The following TACR3 variants were observed in gnomAD, a reference collection of about 807,000 sequenced individuals.
TACR3 encodes the protein tachykinin receptor 3.
In TACR3, 34 loss-of-function variants were observed where a neutral mutation model predicts 35.0. The ratio of observed to expected loss-of-function variants is 0.97; its 90% CI spans 0.74 to 1.30. The LOEUF (loss-of-function observed/expected upper bound fraction) is 1.30, where lower values mean the gene tolerates loss of function less well. TACR3 is among the 50% of genes most tolerant of loss of function. The pLI is 0.00. For synonymous variants in TACR3, 233 were observed against 221.1 expected, an observed-to-expected ratio of 1.05 and a Z score of -0.48; for missense variants, 558 against 591.7, an observed-to-expected ratio of 0.94 and a Z score of 0.59.
chr4:103,604,059 C>G (rs1026353100), intron 3 of TACR3, among the ~76,000 whole-genome samples: 58 of 152,066 alleles, frequency 3.8e-4, no homozygotes, highest in South Asian at 2.1e-4. Context: ...CATATGGGAC[C>G]AAAAAGGAGC....
chr4:103,669,207 A>C (rs1323847961), intron 1 of TACR3, among the ~76,000 whole-genome samples: 2 of 152,138 alleles, frequency 1.3e-5, no homozygotes, highest in African/African-American at 2.4e-5. Flanking sequence ...AATGGCAAAA[A>C]CAGCAATTAC....
chr4:103,627,352 TAAAAAA>T (rs869215834), intron 3 of TACR3, among the ~76,000 whole-genome samples: 5 of 82,494 alleles, frequency 6.1e-5, no homozygotes, highest in African/African-American at 1.9e-4. Context: ...GTGTTTCCAT[TAAAAAA>T]AAAAAAAAAA....
rs1215592649 is a variant in TACR3, at chr4:103,719,332, C to A, written c.344G>T (p.Arg115Leu). The A allele has an allele frequency of 1.2e-6, 2 of 1,614,236 alleles. No individual in the cohort carries two copies. The highest frequency in any genetic ancestry group is 2.2e-5 in the East Asian group (1 of 44,880). The change falls in exon 1 of 5, where the codon CGC becomes CTC. Residue 115 changes from arginine (R) to leucine (L), a missense_variant. Transcript: ENST00000304883. The stretch of plus-strand genomic sequence containing the variant: ...GAAGTAGTTGGTGACAGTCCTCATG[C>A]GCTTGTGGGCCAGGATGATCCAGAT... The part of the protein sequence containing the change: ...IVIWIILAHK[R>L]MRTVTNYFLV...
intron 1 of TACR3, among the ~76,000 whole-genome samples, chr4:103,717,235 T>A (rs999394712): frequency 6.6e-6 from 1 of 152,116 alleles, no homozygotes; most frequent in African/African-American, 2.4e-5. Flanking sequence ...TGTTTTTTTT[T>A]AATCAACTGT....
chr4:103,616,147 G>A (rs560204287), intron 3 of TACR3, among the ~76,000 whole-genome samples: 3 of 152,246 alleles, frequency 2.0e-5, no homozygotes, highest in South Asian at 2.1e-4. Flanking sequence ...AGAATGCAAA[G>A]TTTTAAGTGA....
At chr4:103,600,740 G>A (rs896899304) in intron 3 of TACR3, among the ~76,000 whole-genome samples, 1 of 152,114 alleles carries the variant, frequency 6.6e-6, no homozygotes, top group African/African-American at 2.4e-5. Context: ...TCAGGAGCCG[G>A]TTGTTCATTT....
intron 3 of TACR3, among the ~76,000 whole-genome samples, chr4:103,628,071 G>A (rs988740849): frequency 5.0e-4 from 76 of 152,216 alleles, no homozygotes; most frequent in African/African-American, 1.7e-3. Context: ...AATGAAGGCA[G>A]AAATAAAAAT....
chr4:103,685,473 C>A (rs576333253), intron 1 of TACR3, among the ~76,000 whole-genome samples: 3 of 152,024 alleles, frequency 2.0e-5, no homozygotes, highest in Admixed American at 6.6e-5. Context: ...TGGGACATGA[C>A]AATAAAAAGT....
chr4:103,666,166 G>A (rs1486696849), intron 1 of TACR3, among the ~76,000 whole-genome samples: 1 of 152,198 alleles, frequency 6.6e-6, no homozygotes, highest in Non-Finnish European at 1.5e-5. Context: ...ATAAAGCTAT[G>A]TACAAGTAAT....
intron 1 of TACR3, among the ~76,000 whole-genome samples, chr4:103,674,215 A>G (rs1190049542): frequency 2.6e-5 from 4 of 152,186 alleles, no homozygotes; most frequent in Non-Finnish European, 4.4e-5. Flanking sequence ...AGAACACTTT[A>G]TGAGTAAAAA....
chr4:103,672,209 C>T (rs545744522), intron 1 of TACR3, among the ~76,000 whole-genome samples: 24 of 152,248 alleles, frequency 1.6e-4, no homozygotes, highest in Middle Eastern at 3.4e-3. Context: ...ACTTCCTTCA[C>T]TGAAGTTTTG....
chr4:103,591,716 T>C (rs199861331), intron 3 of TACR3, 33 bp from the exon 4 acceptor site: 6 of 1,555,332 alleles, frequency 3.9e-6, no homozygotes, highest in East Asian at 4.7e-5. Context: ...TTGACAAATA[T>C]AATACTCATA....
At chr4:103,684,733 G>A (rs1219569483) in intron 1 of TACR3, among the ~76,000 whole-genome samples, 1 of 151,992 alleles carries the variant, frequency 6.6e-6, no homozygotes, top group African/African-American at 2.4e-5. Flanking sequence ...GGATGTGGTG[G>A]CTCATGCATC....
chr4:103,594,704 T>G (rs191837833), intron 3 of TACR3, among the ~76,000 whole-genome samples: 12 of 152,212 alleles, frequency 7.9e-5, no homozygotes, highest in Admixed American at 3.9e-4. Context: ...GTGCAAAAAG[T>G]TCAGAAAAAC....
chr4:103,668,750 G>A (rs1490061989), intron 1 of TACR3, among the ~76,000 whole-genome samples: 1 of 151,660 alleles, frequency 6.6e-6, no homozygotes, highest in Non-Finnish European at 1.5e-5. Context: ...TCAGGAGGCT[G>A]AGGCAGGAGA....
At chr4:103,657,244 G>A (rs1190646162) in intron 2 of TACR3, among the ~76,000 whole-genome samples, 1 of 151,546 alleles carries the variant, frequency 6.6e-6, no homozygotes, top group African/African-American at 2.4e-5. Flanking sequence ...TTTGTTTTTT[G>A]TAAAGTGAAT....
intron 1 of TACR3, among the ~76,000 whole-genome samples, chr4:103,673,125 C>A (rs1160738274): frequency 2.0e-5 from 3 of 152,088 alleles, no homozygotes; most frequent in Admixed American, 2.0e-4. Context: ...GATCTTGTAT[C>A]CAGACCACTT....
rs370268419 is a variant in TACR3 at position 103,689,144 on chromosome 4, G to A, written c.548+29984C>T. On this transcript the variant is annotated intron_variant, in intron 1 of 4. Transcript: ENST00000304883. Reference sequence around the variant, plus strand: ...AAATCATCATTCTCAGTAAACTATCGCAAGAACAAAAAACCAAACACCGCA... The same window carrying A: ...AAATCATCATTCTCAGTAAACTATCACAAGAACAAAAAACCAAACACCGCA... 8.6e-4 allele frequency among the ~76,000 whole-genome samples: 129 copies of A among 149,314 alleles called. 2 individuals carry two copies. In the East Asian group the frequency reaches 0.016, roughly 18 times the overall value.
chr4:103,711,086 C>A (rs1297921267), intron 1 of TACR3, among the ~76,000 whole-genome samples: 1 of 152,138 alleles, frequency 6.6e-6, no homozygotes, highest in Admixed American at 6.6e-5. Flanking sequence ...GGTACCATTC[C>A]TTATGAAACT....
Sources: allele counts gnomAD v4.1 joint callset (sites outside exome capture counted in the v4.1 genomes callset), GRCh38; gene constraint gnomAD v4.1.1; transcripts MANE v1.5; gene names NCBI Gene and HGNC (gene_info 2026-07-23, HGNC 2026-07-21).